MGMT: variants seen among roughly 807,000 people sequenced by gnomAD.
The protein encoded by MGMT is methylated-DNA--protein-cysteine methyltransferase.
In MGMT, 14 loss-of-function variants were observed where a neutral mutation model predicts 15.9. The ratio of observed to expected loss-of-function variants is 0.88; its 90% CI spans 0.58 to 1.37. The LOEUF (loss-of-function observed/expected upper bound fraction) is 1.37, where lower values mean the gene tolerates loss of function less well. Ranked by LOEUF, MGMT falls within the 40% of genes most tolerant of loss-of-function variation. The pLI, the probability that MGMT is intolerant of heterozygous loss-of-function variation, is 0.00. For synonymous variants in MGMT, 130 were observed against 118.2 expected (o/e 1.10, Z -0.65); for missense variants, 282 against 268.1 (o/e 1.05, Z -0.36).
At chr10:129,766,300 C>T (rs1392285020) in intron 4 of MGMT, among the ~76,000 whole-genome samples, 1 of 152,160 alleles carries the variant, frequency 6.6e-6, no homozygotes, top group Non-Finnish European at 1.5e-5. Context: ...TGGTGGGCTG[C>T]GTGCGCCCAC....
chr10:129,584,435 A>C (rs1199252197), intron 2 of MGMT, among the ~76,000 whole-genome samples: 2 of 121,246 alleles, frequency 1.6e-5, no homozygotes, highest in Admixed American at 8.5e-5. Flanking sequence ...ATAAGGCTTA[A>C]TTTGTTTTTT....
At chr10:129,580,062 G>A (rs532257651) in intron 2 of MGMT, among the ~76,000 whole-genome samples, 4 of 152,248 alleles carry the variant, frequency 2.6e-5, no homozygotes, top group South Asian at 2.1e-4. Context: ...GGCTTTGTTC[G>A]ACCCGGGTGG....
At chr10:129,620,280 T>C (rs1847076820) in intron 2 of MGMT, among the ~76,000 whole-genome samples, 1 of 152,244 alleles carries the variant, frequency 6.6e-6, no homozygotes, top group Admixed American at 6.5e-5. Flanking sequence ...GTGATTACAC[T>C]GTTCCATGTG....
chr10:129,600,868 C>T (rs1348206376), intron 2 of MGMT, among the ~76,000 whole-genome samples: 1 of 152,148 alleles, frequency 6.6e-6, no homozygotes, highest in Non-Finnish European at 1.5e-5. Flanking sequence ...AAACATTTTT[C>T]ATAGTGGAAC....
At chr10:129,570,054 C>G (rs966805361) in intron 2 of MGMT, among the ~76,000 whole-genome samples, 2 of 152,236 alleles carry the variant, frequency 1.3e-5, no homozygotes, top group African/African-American at 4.8e-5. Context: ...TTCCATTTCC[C>G]TTTACCAAGT....
chr10:129,471,650 T>C (rs560753140), intron 1 of MGMT, among the ~76,000 whole-genome samples: 2 of 152,026 alleles, frequency 1.3e-5, no homozygotes, highest in South Asian at 2.1e-4. Flanking sequence ...GCATCAGAAT[T>C]ACTGTGGGTG....
At chr10:129,595,094 C>T (rs1461757014) in intron 2 of MGMT, among the ~76,000 whole-genome samples, 1 of 152,200 alleles carries the variant, frequency 6.6e-6, no homozygotes, top group Admixed American at 6.5e-5. Flanking sequence ...AGTGTTAGTT[C>T]ATTCCATGTG....
intron 2 of MGMT, among the ~76,000 whole-genome samples, chr10:129,584,999 G>A (rs888626679): frequency 1.3e-5 from 2 of 152,192 alleles, no homozygotes; most frequent in African/African-American, 4.8e-5. Context: ...AGGCCTAGGA[G>A]TAGGATTCCT....
intron 2 of MGMT, among the ~76,000 whole-genome samples, chr10:129,591,927 T>C (rs1275447940): frequency 1.3e-5 from 2 of 152,150 alleles, no homozygotes; most frequent in Admixed American, 1.3e-4. Flanking sequence ...CGAGACTCCG[T>C]CTCAAAAAAT....
intron 2 of MGMT, among the ~76,000 whole-genome samples, chr10:129,580,148 G>C (rs577661380): frequency 6.6e-6 from 1 of 152,300 alleles, no homozygotes. Context: ...GTGTGTTGCC[G>C]TCTCAGCAGG....
chr10:129,534,899 C>T (rs1198492292), intron 1 of MGMT, among the ~76,000 whole-genome samples: 1 of 152,118 alleles, frequency 6.6e-6, no homozygotes, highest in Non-Finnish European at 1.5e-5. Context: ...GCCAGAGAGT[C>T]AGTGTTCTGC....
chr10:129,518,325 G>GACACACACACACACACACAC (rs1293188269), intron 1 of MGMT, among the ~76,000 whole-genome samples: 6 of 88,070 alleles, frequency 6.8e-5, no homozygotes, highest in African/African-American at 1.3e-4. Context: ...TGTGTGTACA[G>GACACACACACACACACACAC]ATACACACAC....
chr10:129,608,193 G>A (rs1240809901), intron 2 of MGMT, among the ~76,000 whole-genome samples: 1 of 152,220 alleles, frequency 6.6e-6, no homozygotes, highest in Non-Finnish European at 1.5e-5. Flanking sequence ...AAAATGACTT[G>A]TCATAATTCG....
intron 2 of MGMT, among the ~76,000 whole-genome samples, chr10:129,554,354 T>G (rs768756847): frequency 3.3e-5 from 5 of 152,240 alleles, no homozygotes; most frequent in Non-Finnish European, 7.3e-5. Flanking sequence ...TTCATCGACA[T>G]ATTTAAAATC....
chr10:129,559,025 G>T (rs1419555790), intron 2 of MGMT, among the ~76,000 whole-genome samples: 2 of 152,162 alleles, frequency 1.3e-5, no homozygotes, highest in Admixed American at 6.5e-5. Context: ...GTTTTGTGCA[G>T]CAGCTAGGTG....
chr10:129,722,283 T>C (rs912837874), intron 3 of MGMT, among the ~76,000 whole-genome samples: 1 of 152,146 alleles, frequency 6.6e-6, no homozygotes, highest in Admixed American at 6.5e-5. Context: ...AACAGTTGCT[T>C]TATGTATTTA....
intron 2 of MGMT, among the ~76,000 whole-genome samples, chr10:129,629,144 G>A (rs1847183401): frequency 6.6e-6 from 1 of 152,234 alleles, no homozygotes; most frequent in African/African-American, 2.4e-5. Context: ...CCCCAGGTCT[G>A]TGGCATTAGG....
chr10:129,706,391 G>A (rs1848162513), intron 2 of MGMT, among the ~76,000 whole-genome samples: 1 of 152,194 alleles, frequency 6.6e-6, no homozygotes, highest in African/African-American at 2.4e-5. Context: ...GCATGGGTGT[G>A]TCGAGGAGAA....
chr10:129,721,975 T>C (rs2133155177), intron 3 of MGMT, among the ~76,000 whole-genome samples: 1 of 152,170 alleles, frequency 6.6e-6, no homozygotes, highest in African/African-American at 2.4e-5. Context: ...AGACATAGAT[T>C]AGTAGACTGG....
Sources: allele counts gnomAD v4.1 joint callset (sites outside exome capture counted in the v4.1 genomes callset), GRCh38; gene constraint gnomAD v4.1.1; transcripts MANE v1.5; gene names NCBI Gene and HGNC (gene_info 2026-07-23, HGNC 2026-07-21).